KIF1B: variants seen among roughly 807,000 people sequenced by gnomAD.
The protein encoded by KIF1B is kinesin-like protein KIF1B.
A neutral mutation model predicts 241.9 loss-of-function variants in KIF1B; 76 were observed. That is an observed-to-expected ratio of 0.31 (90% confidence interval 0.26 to 0.38). The LOEUF is 0.38. Among genes scored for constraint, KIF1B ranks in the 10% least tolerant of loss-of-function variants. The probability of loss-of-function intolerance (pLI) is 1.00; values close to 1 mark genes in which losing one functional copy is unlikely to be tolerated. For synonymous variants in KIF1B, 750 were observed against 796.7 expected (o/e 0.94, Z 0.99); for missense variants, 1,622 against 2,271.4 (o/e 0.71, Z 5.81).
chr1:10,250,588 G>A (rs996865353), intron 2 of KIF1B, among the ~76,000 whole-genome samples: 1 of 152,120 alleles, frequency 6.6e-6, no homozygotes, highest in Non-Finnish European at 1.5e-5. Flanking sequence ...GACTTTGGGA[G>A]GGCAAGGAAA....
At chr1:10,230,794 G>A (rs942671032) in intron 1 of KIF1B, 1 of 152,118 alleles carries the variant, frequency 6.6e-6, no homozygotes, top group Non-Finnish European at 1.5e-5. Flanking sequence ...TGTTGGCTTT[G>A]TTCTGTTGGG....
intron 2 of KIF1B, among the ~76,000 whole-genome samples, chr1:10,242,156 G>T (rs1043468860): frequency 3.3e-5 from 5 of 152,176 alleles, no homozygotes; most frequent in Non-Finnish European, 5.9e-5. Flanking sequence ...AAGCCTAGGT[G>T]TCAAAGCTTT....
At chr1:10,304,419 T>A in intron 22 of KIF1B, 1 of 1,613,926 alleles carries the variant, frequency 6.2e-7, no homozygotes, top group Non-Finnish European at 8.5e-7. Context: ...CCCACAGTGG[T>A]CACCCCACTG....
chr1:10,329,297 C>G (rs1206303850), intron 27 of KIF1B, among the ~76,000 whole-genome samples: 1 of 152,112 alleles, frequency 6.6e-6, no homozygotes, highest in Non-Finnish European at 1.5e-5. Flanking sequence ...CTTCTACAAA[C>G]AAAATTTACA....
chr1:10,280,355 C>T (rs959367146), intron 14 of KIF1B, among the ~76,000 whole-genome samples: 2 of 152,086 alleles, frequency 1.3e-5, no homozygotes, highest in African/African-American at 4.8e-5. Context: ...CCTGCCTCAG[C>T]CTCCCGAGTA....
In KIF1B at chr1:10,258,501, T is replaced by C; in HGVS notation, c.192T>C (p.Asp64=). The C allele has an allele frequency of 6.2e-7, 1 of 1,614,074 alleles. No individual in the cohort carries two copies. ...CCTTTTACTCTTTACAGCCCGAAGA[T>C]CCCTGTTTTGCATCTCAAAACCGTG... ...YSYWSHTSPE[D]PCFASQNRVY... The change falls in exon 4 of 49, where the codon GAT becomes GAC. Residue 64 remains aspartate (D), a synonymous_variant. Coordinates refer to ENST00000676179, the MANE Select transcript of KIF1B (RefSeq NM_001365951.3).
At chr1:10,241,576 A>C (rs1158571296) in intron 2 of KIF1B, among the ~76,000 whole-genome samples, 3 of 152,226 alleles carry the variant, frequency 2.0e-5, no homozygotes, top group Non-Finnish European at 1.5e-5. Context: ...TTTTCACATC[A>C]AAATGGCTAA....
At position 10,258,684 on chromosome 1, in the gene KIF1B, A is replaced by T; in HGVS notation, c.363+12A>T. On this transcript the variant is annotated intron_variant, in intron 4 of 48. Coordinates refer to ENST00000676179, the MANE Select transcript of KIF1B (RefSeq NM_001365951.3). ...GCATCATTCCACAGGTGAAAAACAA[A>T]ACAAAACAAAAATCTTCTCTTCATT... The T allele has an allele frequency of 6.2e-7, 1 of 1,613,704 alleles. No homozygotes were observed. Among genetic ancestry groups the T allele is most frequent in the Non-Finnish European group, 8.5e-7 (1 of 1,179,652 alleles).
intron 1 of KIF1B, among the ~76,000 whole-genome samples, chr1:10,220,684 C>CA (rs1646833695): frequency 6.6e-6 from 1 of 151,964 alleles, no homozygotes; most frequent in Non-Finnish European, 1.5e-5. Flanking sequence ...TTTTTTGAGA[C>CA]AGAGTTTTGC....
rs1650724110 is a variant in KIF1B at position 10,304,489 on chromosome 1, A to G, written c.2115+7243A>G. The G allele has an allele frequency of 6.2e-6, 10 of 1,611,708 alleles. No individual in the cohort carries two copies. In the East Asian group the frequency reaches 2.2e-4, roughly 36 times the overall value. On this transcript the variant is annotated intron_variant, in intron 22 of 48. Transcript: ENST00000676179. Reference sequence around the variant, plus strand: ...TCATCAACACCGTCAGTCTTACTGTAATTATAACACTGGAGGTCAGTTAGA... The same window carrying G: ...TCATCAACACCGTCAGTCTTACTGTGATTATAACACTGGAGGTCAGTTAGA...
intron 7 of KIF1B, among the ~76,000 whole-genome samples, chr1:10,270,667 G>C (rs981917881): frequency 6.6e-6 from 1 of 152,156 alleles, no homozygotes; most frequent in African/African-American, 2.4e-5. Context: ...GCTCACGCCT[G>C]TACTCCCAGC....
chr1:10,279,229 C>A, intron 14 of KIF1B, 91 bp downstream of exon 14: 1 of 786,990 alleles, frequency 1.3e-6, no homozygotes, highest in Non-Finnish European at 2.1e-6. Context: ...TGCATGCTGG[C>A]AATCCTTACA....
intron 2 of KIF1B, among the ~76,000 whole-genome samples, chr1:10,240,648 T>G (rs1647122908): frequency 6.6e-6 from 1 of 152,010 alleles, no homozygotes; most frequent in African/African-American, 2.4e-5. Flanking sequence ...TTGTGATATA[T>G]CCATTACTTT....
chr1:10,272,509 A>G, intron 9 of KIF1B: 5 of 655,550 alleles, frequency 7.6e-6, no homozygotes, highest in Non-Finnish European at 1.4e-5. Flanking sequence ...AAGGAGAACA[A>G]AAGTAAATAT....
Position 10,352,663 on chromosome 1 carries a change from G to T in KIF1B, c.3982G>T (p.Ala1328Ser). ...TCGGAATAAGCCTGAGGTGGATGAAGCTGCAGTTGATGCCATCCTCTCCCT... is the reference window on the plus strand; with the variant it reads ...TCGGAATAAGCCTGAGGTGGATGAATCTGCAGTTGATGCCATCCTCTCCCT... ...RIRNKPEVDE[A>S]AVDAILSLNI... The change falls in exon 38 of 49, where the codon GCT becomes TCT. Residue 1328 changes from alanine (A) to serine (S), a missense_variant. Coordinates refer to ENST00000676179, the MANE Select transcript of KIF1B (RefSeq NM_001365951.3). 1 of 1,613,972 alleles carries T rather than the reference G, an allele frequency of 6.2e-7. No individual in the cohort carries two copies. Among genetic ancestry groups the T allele is most frequent in the Non-Finnish European group, 8.5e-7 (1 of 1,179,922 alleles).
chr1:10,320,890 G>A (rs1651496249), intron 23 of KIF1B, among the ~76,000 whole-genome samples: 1 of 151,870 alleles, frequency 6.6e-6, no homozygotes, highest in African/African-American at 2.4e-5. Context: ...TAGTGGAGAT[G>A]GGGTTTCACC....
chr1:10,312,311 A>G (rs2102283312), intron 22 of KIF1B, among the ~76,000 whole-genome samples: 1 of 151,518 alleles, frequency 6.6e-6, no homozygotes, highest in Admixed American at 6.5e-5. Flanking sequence ...TCCTGACTCC[A>G]TCTCTTTTCA....
chr1:10,334,848 C>A (rs1002638976), intron 28 of KIF1B, among the ~76,000 whole-genome samples: 2 of 152,178 alleles, frequency 1.3e-5, no homozygotes, highest in Admixed American at 1.3e-4. Context: ...TTAGTCCAGA[C>A]TACTGCTACT....
intron 1 of KIF1B, among the ~76,000 whole-genome samples, chr1:10,231,157 C>T (rs573524844): frequency 5.1e-4 from 77 of 152,174 alleles, no homozygotes; most frequent in African/African-American, 1.5e-3. Context: ...TTGCAGTGAG[C>T]CGAGGTCGTG....
Sources: gnomAD v4.1 joint callset for allele counts (sites outside exome capture counted in the v4.1 genomes callset) on GRCh38, gnomAD v4.1.1 for gene constraint, MANE v1.5 for transcripts, NCBI Gene and HGNC (gene_info 2026-07-23, HGNC 2026-07-21) for gene names.